Variants in CYRIB observed in about 807,000 individuals in gnomAD.
CYRIB encodes CYFIP related Rac1 interactor B, also known as CYFIP-related Rac1 interactor B.
CYRIB carries 8 observed loss-of-function variants against 44.2 expected under a neutral mutation model. The ratio of observed to expected loss-of-function variants is 0.18; its 90% CI spans 0.11 to 0.33. CYRIB has a LOEUF of 0.33. Among genes scored for constraint, CYRIB ranks in the 10% least tolerant of loss-of-function variants. The probability of loss-of-function intolerance (pLI) is 1.00; values close to 1 mark genes in which losing one functional copy is unlikely to be tolerated. For missense variants in CYRIB, 185 were observed against 382.8 expected, an observed-to-expected ratio of 0.48 and a Z score of 4.31; for synonymous variants, 131 against 127.2, an observed-to-expected ratio of 1.03 and a Z score of -0.20.
At chr8:129,968,701 T>TA (rs1220180603) in intron 2 of CYRIB, among the ~76,000 whole-genome samples, 1 of 152,184 alleles carries the variant, frequency 6.6e-6, no homozygotes, top group Non-Finnish European at 1.5e-5. Context: ...TCATAAGTAA[T>TA]AAAAAATACA....
At chr8:130,015,035 T>C (rs2097309653) in intron 1 of CYRIB, among the ~76,000 whole-genome samples, 1 of 152,180 alleles carries the variant, frequency 6.6e-6, no homozygotes, top group South Asian at 2.1e-4. Flanking sequence ...CTTCCAAGAA[T>C]GGGAGAGTCT....
At chr8:129,879,791 T>A in intron 2 of CYRIB, 1 of 225,074 alleles carries the variant, frequency 4.4e-6, no homozygotes. Flanking sequence ...GCTAATATTC[T>A]GAAAAAGAAA....
chr8:129,859,879 T>C (rs1206405974), intron 5 of CYRIB, among the ~76,000 whole-genome samples: 1 of 152,256 alleles, frequency 6.6e-6, no homozygotes, highest in Non-Finnish European at 1.5e-5. Context: ...CCTCGGTCTC[T>C]TGCCTCGGCA....
chr8:130,000,704 TA>T (rs1374483936), intron 1 of CYRIB, among the ~76,000 whole-genome samples: 1 of 151,568 alleles, frequency 6.6e-6, no homozygotes, highest in Non-Finnish European at 1.5e-5. Flanking sequence ...AATAAAATAA[TA>T]AATAAATAAA....
intron 2 of CYRIB, among the ~76,000 whole-genome samples, chr8:129,880,071 T>C (rs1052729978): frequency 2.0e-5 from 3 of 152,218 alleles, no homozygotes; most frequent in Non-Finnish European, 4.4e-5. Context: ...TACAGGATTA[T>C]AAGCGAATAT....
At chr8:129,980,525 G>A (rs982055975) in intron 1 of CYRIB, among the ~76,000 whole-genome samples, 5 of 152,068 alleles carry the variant, frequency 3.3e-5, no homozygotes, top group African/African-American at 1.2e-4. Flanking sequence ...TGCGCTGGGC[G>A]TGGTGGCTCA....
intron 4 of CYRIB, among the ~76,000 whole-genome samples, chr8:129,862,867 T>C (rs1265744343): frequency 6.6e-6 from 1 of 152,230 alleles, no homozygotes; most frequent in Non-Finnish European, 1.5e-5. Context: ...CTCAGCTCCA[T>C]AGATACTTCA....
intron 3 of CYRIB, among the ~76,000 whole-genome samples, chr8:129,873,235 G>A (rs960851396): frequency 6.6e-6 from 1 of 151,820 alleles, no homozygotes; most frequent in Admixed American, 6.6e-5. Context: ...AATTATACAA[G>A]AGGAGCCAAT....
chr8:130,008,163 C>G (rs1416425163), intron 1 of CYRIB, among the ~76,000 whole-genome samples: 1 of 151,550 alleles, frequency 6.6e-6, no homozygotes, highest in Non-Finnish European at 1.5e-5. Flanking sequence ...GAGCCGAGAT[C>G]GTGCCACTGC....
At chr8:129,910,212 T>C (rs1027779320) in intron 1 of CYRIB, among the ~76,000 whole-genome samples, 10 of 152,218 alleles carry the variant, frequency 6.6e-5, no homozygotes, top group South Asian at 2.1e-4. Flanking sequence ...ACCCACGGTC[T>C]TCTCAAAGTG....
intron 1 of CYRIB, among the ~76,000 whole-genome samples, chr8:129,931,570 C>A (rs1030690469): frequency 1.3e-5 from 2 of 152,078 alleles, no homozygotes; most frequent in African/African-American, 4.8e-5. Context: ...CCCTCAAAAA[C>A]AGATTAAAAA....
At chr8:130,011,031 C>A (rs892628719) in intron 1 of CYRIB, among the ~76,000 whole-genome samples, 1 of 152,080 alleles carries the variant, frequency 6.6e-6, no homozygotes, top group Admixed American at 6.6e-5. Context: ...TAGAAGCCTC[C>A]GGAACTATGG....
intron 1 of CYRIB, among the ~76,000 whole-genome samples, chr8:129,910,512 C>T (rs1227122844): frequency 8.6e-6 from 1 of 115,690 alleles, no homozygotes; most frequent in Non-Finnish European, 1.7e-5. Context: ...TTTAAAGAGA[C>T]AAGGGCCAGG....
chr8:129,842,508 C>T (rs1378622223), intron 11 of CYRIB, among the ~76,000 whole-genome samples: 1 of 152,218 alleles, frequency 6.6e-6, no homozygotes, highest in Non-Finnish European at 1.5e-5. Flanking sequence ...AAATGCTGTT[C>T]TATCCCAGAG....
At chr8:129,888,010 T>A (rs559330132) in intron 2 of CYRIB, among the ~76,000 whole-genome samples, 1 of 152,324 alleles carries the variant, frequency 6.6e-6, no homozygotes, top group South Asian at 2.1e-4. Context: ...AAGGGCTGAT[T>A]ATATTTTGCA....
At chr8:129,952,343 G>A (rs1210050743) in intron 2 of CYRIB, among the ~76,000 whole-genome samples, 1 of 152,154 alleles carries the variant, frequency 6.6e-6, no homozygotes, top group Non-Finnish European at 1.5e-5. Flanking sequence ...TTACAGGCAT[G>A]AGCCACCACA....
At chr8:129,991,997 A>C (rs1028643881) in intron 1 of CYRIB, among the ~76,000 whole-genome samples, 1 of 133,864 alleles carries the variant, frequency 7.5e-6, no homozygotes, top group Non-Finnish European at 1.6e-5. Context: ...TAAGGGTTTT[A>C]AGCAGAGGTG....
chr8:129,986,568 T>C (rs1412928230), intron 1 of CYRIB, among the ~76,000 whole-genome samples: 1 of 152,120 alleles, frequency 6.6e-6, no homozygotes, highest in Non-Finnish European at 1.5e-5. Flanking sequence ...ATCTTGGGAT[T>C]GGGACTGGTG....
intron 3 of CYRIB, among the ~76,000 whole-genome samples, chr8:129,878,552 C>A (rs989476205): frequency 1.3e-5 from 2 of 152,144 alleles, no homozygotes; most frequent in African/African-American, 4.8e-5. Context: ...TACCTCTTCA[C>A]CCTTTCCTAA....
Sources: allele counts gnomAD v4.1 joint callset (sites outside exome capture counted in the v4.1 genomes callset), GRCh38; gene constraint gnomAD v4.1.1; transcripts MANE v1.5; gene names NCBI Gene and HGNC (gene_info 2026-07-23, HGNC 2026-07-21).